RCAN2: variants seen among roughly 807,000 people sequenced by gnomAD.
RCAN2 encodes the protein regulator of calcineurin 2, also known as calcipressin-2.
A neutral mutation model predicts 23.6 loss-of-function variants in RCAN2; 9 were observed. That is an observed-to-expected ratio of 0.38 (90% CI 0.23 to 0.67). The LOEUF is 0.67. Among genes scored for constraint, RCAN2 ranks in the 30% least tolerant of loss-of-function variants. The pLI, the probability that RCAN2 is intolerant of heterozygous loss-of-function variation, is 0.51. For synonymous variants in RCAN2, 109 were observed against 115.7 expected (o/e 0.94, Z 0.37); for missense variants, 273 against 302.3 (o/e 0.90, Z 0.72).
intron 2 of RCAN2, among the ~76,000 whole-genome samples, chr6:46,454,594 A>T (rs1767968199): frequency 6.6e-6 from 1 of 152,234 alleles, no homozygotes; most frequent in Non-Finnish European, 1.5e-5. Context: ...AAACTGAATT[A>T]CATAGACTTC....
intron 2 of RCAN2, among the ~76,000 whole-genome samples, chr6:46,324,594 T>G (rs1763729217): frequency 6.6e-6 from 1 of 152,252 alleles, no homozygotes; most frequent in African/African-American, 2.4e-5. Flanking sequence ...CAGCTAGTTC[T>G]TCTATTAAAT....
intron 1 of RCAN2, among the ~76,000 whole-genome samples, chr6:46,462,977 T>A (rs893684569): frequency 1.6e-4 from 24 of 152,146 alleles, no homozygotes; most frequent in Non-Finnish European, 8.8e-5. Context: ...CACAAATAAG[T>A]CCATGAGAAC....
Position 46,248,879 on chromosome 6 carries a change from C to T in RCAN2, c.243G>A (p.Leu81=). ...GEESKEKFEG[L]FRTYDDCVTF... is the part of the protein sequence containing the mutation. ...TCACACAGTCATCATAAGTCCGAAA[C>T]AGTCCCTCAAATTTTTCCTGATAAA... Residue 81 remains leucine, a synonymous_variant, in exon 3 of 5, where the codon CTG becomes CTA. Coordinates refer to ENST00000371374, the MANE Select transcript of RCAN2 (RefSeq NM_001251974.2). 3 of 1,605,672 alleles carry T rather than the reference C, an allele frequency of 1.9e-6. No individual in the cohort carries two copies. Among genetic ancestry groups the T allele is most frequent in the Non-Finnish European group, 2.5e-6 (3 of 1,176,912 alleles).
rs1164583373 is a variant in RCAN2 at position 46,325,775 on chromosome 6, G to A, written c.226-76879C>T. ...CCTTTTATCTCTAGGCAGTGCAGTG[G>A]AGCAAATTGAACATGATTATGTGCT... On this transcript the variant is annotated intron_variant, in intron 2 of 4. Transcript: ENST00000371374. The A allele has an allele frequency of 4.4e-6, 5 of 1,140,258 alleles. No homozygotes were observed. In the East Asian group the frequency reaches 1.5e-4, roughly 35 times the overall value. The allele number at this position is 1,140,258 out of a possible 1,614,324, so 70.6% of individuals were successfully genotyped here.
At chr6:46,475,814 G>A (rs1183838078) in intron 1 of RCAN2, among the ~76,000 whole-genome samples, 1 of 152,136 alleles carries the variant, frequency 6.6e-6, no homozygotes, top group African/African-American at 2.4e-5. Flanking sequence ...CCATGCTCTT[G>A]ATAAACAAAA....
chr6:46,490,950 C>T (rs1048814719), intron 1 of RCAN2, among the ~76,000 whole-genome samples: 1 of 151,906 alleles, frequency 6.6e-6, no homozygotes, highest in Non-Finnish European at 1.5e-5. Context: ...GTCCCCACGG[C>T]CGCAGCCGGG....
chr6:46,334,435 G>A (rs1388651093), intron 2 of RCAN2, among the ~76,000 whole-genome samples: 1 of 152,176 alleles, frequency 6.6e-6, no homozygotes, highest in African/African-American at 2.4e-5. Context: ...AAAGCCAGCA[G>A]AGAACAGGTA....
At chr6:46,289,756 G>A (rs1762484847) in intron 2 of RCAN2, among the ~76,000 whole-genome samples, 1 of 152,288 alleles carries the variant, frequency 6.6e-6, no homozygotes, top group African/African-American at 2.4e-5. Flanking sequence ...AATTATGGAT[G>A]ACACCCTGCA....
Position 46,248,776 on chromosome 6 carries a change from C to G in RCAN2, c.346G>C (p.Glu116Gln), listed in dbSNP as rs1216261012. Residue 116 changes from glutamate to glutamine, a missense_variant, in exon 3 of 5, where the codon GAG (glutamate) becomes CAG (glutamine). Coordinates refer to ENST00000371374, the MANE Select transcript of RCAN2 (RefSeq NM_001251974.2). ...CCTCTGAATTGGGTTTCATGAAGCT[C>G]TATCCTAGCTCGGGCTGCAGATTTA... Reference protein sequence around the residue: ...NPKSAARARIELHETQFRGKK... With the variant: ...NPKSAARARIQLHETQFRGKK... The G allele has an allele frequency of 6.2e-7, 1 of 1,613,248 alleles. No homozygotes were observed. Among genetic ancestry groups the G allele is most frequent in the South Asian group, 1.1e-5 (1 of 90,958 alleles).
At chr6:46,408,043 T>G (rs1295494292) in intron 2 of RCAN2, among the ~76,000 whole-genome samples, 1 of 152,214 alleles carries the variant, frequency 6.6e-6, no homozygotes, top group African/African-American at 2.4e-5. Context: ...AATCCATGAT[T>G]ATTCCCTCAG....
At chr6:46,276,393 C>T (rs1767706435) in intron 2 of RCAN2, among the ~76,000 whole-genome samples, 1 of 152,120 alleles carries the variant, frequency 6.6e-6, no homozygotes, top group African/African-American at 2.4e-5. Flanking sequence ...CAAGCCCCCA[C>T]CACAAGAAAC....
chr6:46,305,979 G>A (rs1763053211), intron 2 of RCAN2, among the ~76,000 whole-genome samples: 1 of 151,518 alleles, frequency 6.6e-6, no homozygotes, highest in Admixed American at 6.6e-5. Context: ...GGTGAGCCAA[G>A]GTGCTCAGTA....
chr6:46,396,789 A>G (rs574221029), intron 2 of RCAN2, among the ~76,000 whole-genome samples: 4 of 152,304 alleles, frequency 2.6e-5, no homozygotes, highest in African/African-American at 9.6e-5. Flanking sequence ...TCTTATCTCT[A>G]TTACAACCAT....
At chr6:46,230,284 C>T (rs1765835435) in intron 4 of RCAN2, among the ~76,000 whole-genome samples, 3 of 152,166 alleles carry the variant, frequency 2.0e-5, no homozygotes, top group Non-Finnish European at 2.9e-5. Flanking sequence ...GCTTGGAGAA[C>T]CACTACTGTC....
intron 1 of RCAN2, among the ~76,000 whole-genome samples, chr6:46,458,885 ACGCG>A (rs57258359): frequency 2.0e-5 from 3 of 148,056 alleles, no homozygotes; most frequent in African/African-American, 7.7e-5. Flanking sequence ...TTACAGGAAA[ACGCG>A]CGCGCACGTG....
At chr6:46,302,038 A>AAC (rs1466529474) in intron 2 of RCAN2, among the ~76,000 whole-genome samples, 1 of 152,094 alleles carries the variant, frequency 6.6e-6, no homozygotes, top group Non-Finnish European at 1.5e-5. Flanking sequence ...CAAGTGTAGA[A>AAC]ACAAGGGGAC....
At chr6:46,447,217 A>AATAGAT (rs1305124801) in intron 2 of RCAN2, among the ~76,000 whole-genome samples, 45 of 152,172 alleles carry the variant, frequency 3.0e-4, no homozygotes, top group African/African-American at 9.9e-4. Flanking sequence ...TTATATTAAA[A>AATAGAT]AAAGTAGAAC....
intron 1 of RCAN2, among the ~76,000 whole-genome samples, chr6:46,483,580 A>G (rs752424689): frequency 8.5e-5 from 13 of 152,214 alleles, no homozygotes; most frequent in Non-Finnish European, 1.6e-4. Context: ...CTGACTGAGT[A>G]AGTAATTCAA....
At chr6:46,421,010 T>C (rs1766874271) in intron 2 of RCAN2, among the ~76,000 whole-genome samples, 1 of 152,250 alleles carries the variant, frequency 6.6e-6, no homozygotes, top group Non-Finnish European at 1.5e-5. Flanking sequence ...CATAGACTAC[T>C]GAATTCTAAA....
Sources: gnomAD v4.1 joint callset for allele counts (sites outside exome capture counted in the v4.1 genomes callset) on GRCh38, gnomAD v4.1.1 for gene constraint, MANE v1.5 for transcripts, NCBI Gene and HGNC (gene_info 2026-07-23, HGNC 2026-07-21) for gene names.